Variants in ARHGEF3 observed in about 807,000 individuals in gnomAD.
The protein encoded by ARHGEF3 is Rho guanine nucleotide exchange factor 3.
Under a neutral mutation model 63.2 loss-of-function variants are expected in ARHGEF3, and 28 were observed. That is an observed-to-expected ratio of 0.44 (90% CI 0.33 to 0.61). The LOEUF (loss-of-function observed/expected upper bound fraction) is 0.61, where lower values mean the gene tolerates loss of function less well. ARHGEF3 is among the 20% of genes least tolerant of loss of function. ARHGEF3 has a pLI of 0.03. For synonymous variants in ARHGEF3, 266 were observed against 254.2 expected, an observed-to-expected ratio of 1.05 and a Z score of -0.44; for missense variants, 533 against 659.3, an observed-to-expected ratio of 0.81 and a Z score of 2.10.
intron 2 of ARHGEF3, among the ~76,000 whole-genome samples, chr3:57,002,498 T>TTATATA (rs1553802543): frequency 4.5e-4 from 6 of 13,480 alleles, no homozygotes; most frequent in East Asian, 3.6e-3. Flanking sequence ...TATATATATG[T>TTATATA]TATATATATA....
intron 4 of ARHGEF3, among the ~76,000 whole-genome samples, chr3:56,858,614 C>T (rs190386166): frequency 5.3e-5 from 8 of 152,218 alleles, no homozygotes; most frequent in African/African-American, 1.2e-4. Flanking sequence ...AAAGCACTTG[C>T]GGGGAGGGCA....
intron 2 of ARHGEF3, among the ~76,000 whole-genome samples, chr3:56,982,296 T>C (rs1430140644): frequency 1.3e-5 from 2 of 151,900 alleles, no homozygotes; most frequent in Admixed American, 6.6e-5. Context: ...TCTATTTCTG[T>C]CACATGCAAC....
At chr3:56,825,801 T>G (rs28370959) in intron 4 of ARHGEF3, among the ~76,000 whole-genome samples, 105,746 of 151,988 alleles carry the variant, frequency 0.7, 36,897 homozygotes, top group African/African-American at 0.71. Context: ...CACTCAGCTT[T>G]GGTTCCTCCC....
intron 4 of ARHGEF3, among the ~76,000 whole-genome samples, chr3:56,842,934 C>T (rs1484626623): frequency 3.9e-5 from 6 of 152,166 alleles, no homozygotes; most frequent in Non-Finnish European, 2.9e-5. Context: ...CGTGGCTAGT[C>T]ATGCCACCAG....
At chr3:57,030,044 G>A (rs536471565) in intron 2 of ARHGEF3, among the ~76,000 whole-genome samples, 47 of 152,160 alleles carry the variant, frequency 3.1e-4, no homozygotes, top group Non-Finnish European at 6.0e-4. Context: ...AGCAAGCAGC[G>A]AAACCACCAC....
At chr3:56,867,404 A>T (rs1463961832) in intron 4 of ARHGEF3, among the ~76,000 whole-genome samples, 2 of 152,242 alleles carry the variant, frequency 1.3e-5, no homozygotes, top group Non-Finnish European at 2.9e-5. Context: ...AAAGGCTATG[A>T]AGAAAAAATA....
At chr3:56,777,710 G>A (rs2036352496) in intron 1 of ARHGEF3, among the ~76,000 whole-genome samples, 1 of 152,110 alleles carries the variant, frequency 6.6e-6, no homozygotes, top group South Asian at 2.1e-4. Flanking sequence ...AGTGGGGTGA[G>A]GAATAGTAGG....
At chr3:56,784,634 G>T (rs1170044478) in intron 1 of ARHGEF3, among the ~76,000 whole-genome samples, 1 of 152,212 alleles carries the variant, frequency 6.6e-6, no homozygotes, top group Non-Finnish European at 1.5e-5. Flanking sequence ...GGTTGGAGAA[G>T]GAGGAAAAGG....
intron 9 of ARHGEF3, chr3:56,731,796 T>G: frequency 4.3e-6 from 1 of 230,466 alleles, no homozygotes; most frequent in Non-Finnish European, 8.5e-6. Flanking sequence ...CTGAGTAATG[T>G]TACAGATGAA....
At chr3:57,007,401 A>C (rs1207070724) in intron 2 of ARHGEF3, 2 of 1,269,068 alleles carry the variant, frequency 1.6e-6, no homozygotes, top group Non-Finnish European at 2.0e-6. Flanking sequence ...CTGAGCTGGA[A>C]TTGATTTTGT....
chr3:56,732,476 TTGA>T (rs997105952), intron 8 of ARHGEF3, 52 bp from the exon 9 acceptor site: 2 of 1,596,026 alleles, frequency 1.3e-6, no homozygotes, highest in African/African-American at 2.7e-5. Flanking sequence ...TAATGAGTGG[TTGA>T]TATGTGGACC....
intron 3 of ARHGEF3, among the ~76,000 whole-genome samples, chr3:56,938,281 T>A (rs572619548): frequency 6.6e-6 from 1 of 152,158 alleles, no homozygotes; most frequent in African/African-American, 2.4e-5. Context: ...AAGAAAAGAA[T>A]TTTAATCTTC....
intron 2 of ARHGEF3, among the ~76,000 whole-genome samples, chr3:56,977,825 T>G (rs1413762849): frequency 6.6e-6 from 1 of 152,166 alleles, no homozygotes; most frequent in Admixed American, 6.5e-5. Context: ...GTTTTACACC[T>G]CACAGAGCTG....
intron 1 of ARHGEF3, among the ~76,000 whole-genome samples, chr3:57,047,068 A>G (rs2009448): frequency 0.9 from 137,436 of 152,250 alleles, 63,684 homozygotes; most frequent in East Asian, 1. Context: ...GACTACTGGG[A>G]CCTGGTGTGG....
intron 9 of ARHGEF3, 127 bp downstream of exon 9, chr3:56,732,111 A>T (rs2033207593): frequency 8.8e-7 from 1 of 1,135,568 alleles, no homozygotes; most frequent in Admixed American, 2.1e-5. Flanking sequence ...TCAGGAAGTG[A>T]TGAAATAGCA....
chr3:56,737,210 C>G lies in ARHGEF3; in HGVS notation c.1016G>C (p.Gly339Ala). 1 of 1,613,976 alleles carries G rather than the reference C, an allele frequency of 6.2e-7. No individual in the cohort carries two copies. The highest frequency in any genetic ancestry group is 8.5e-7 in the Non-Finnish European group (1 of 1,179,928). ...CACGCCCCGATTGTTCTTCAGTTCA[C>G]CATGACAACACAAGACTCGAGAGCT... Reference protein sequence around the residue: ...IDSSRVLCCHGELKNNRGVKL... With the variant: ...IDSSRVLCCHAELKNNRGVKL... Residue 339 changes from glycine to alanine, a missense_variant, in exon 8 of 10, where the codon GGT becomes GCT. Gly to Ala is a moderately conservative substitution (Grantham distance 60, BLOSUM62 0). This residue lies in a region of ARHGEF3 where 151 missense variants were observed against 190.7 expected (regional missense o/e 0.79). Transcript: ENST00000296315.
chr3:56,810,362 G>A (rs1037068143), intron 4 of ARHGEF3, among the ~76,000 whole-genome samples: 10 of 152,042 alleles, frequency 6.6e-5, no homozygotes, highest in African/African-American at 2.4e-4. Flanking sequence ...TGGGCAACAT[G>A]CTGAAACCCT....
chr3:56,938,183 G>A (rs1359967426), intron 3 of ARHGEF3, among the ~76,000 whole-genome samples: 1 of 152,150 alleles, frequency 6.6e-6, no homozygotes, highest in Non-Finnish European at 1.5e-5. Context: ...AGCTGGTCCT[G>A]GAGTTGTGTT....
At chr3:57,025,981 C>T (rs1355959846) in intron 2 of ARHGEF3, among the ~76,000 whole-genome samples, 2 of 152,240 alleles carry the variant, frequency 1.3e-5, no homozygotes, top group South Asian at 2.1e-4. Context: ...CTTTTCTCAC[C>T]TAGGGAACAA....
Sources: allele counts gnomAD v4.1 joint callset (sites outside exome capture counted in the v4.1 genomes callset), GRCh38; gene constraint gnomAD v4.1.1; regional missense constraint gnomAD v4.1.1; transcripts MANE v1.5; gene names NCBI Gene and HGNC (gene_info 2026-07-23, HGNC 2026-07-21).